The following GALNT13 variants were observed in gnomAD, a reference collection of about 807,000 sequenced individuals.
GALNT13 encodes UDP-GalNAc:polypeptide N-acetylgalactosaminyltransferase 13.
Under a neutral mutation model 64.2 loss-of-function variants are expected in GALNT13, and 28 were observed. That is an observed-to-expected ratio of 0.44 (90% CI 0.32 to 0.60). The LOEUF is 0.60. GALNT13 is among the 20% of genes least tolerant of loss of function. GALNT13 has a pLI of 0.05. For missense variants in GALNT13, 577 were observed against 669.8 expected, an observed-to-expected ratio of 0.86 and a Z score of 1.53; for synonymous variants, 214 against 224.6, an observed-to-expected ratio of 0.95 and a Z score of 0.42.
chr2:153,102,875 A>C, the GALNT13 span, among the ~76,000 whole-genome samples: 1 of 152,164 alleles, frequency 6.6e-6, no homozygotes, highest in African/African-American at 2.4e-5. Flanking sequence ...TACCAGAGGG[A>C]TAATTGAAGT....
At chr2:154,438,822 C>T (rs1701130213) in intron 12 of GALNT13, 96 bp downstream of exon 12, 1 of 976,222 alleles carries the variant, frequency 1.0e-6, no homozygotes, top group African/African-American at 1.6e-5. Flanking sequence ...TTTTTATCTA[C>T]ATTGGCAGAA....
chr2:153,537,623 C>T, the GALNT13 span, among the ~76,000 whole-genome samples: 1 of 152,164 alleles, frequency 6.6e-6, no homozygotes, highest in African/African-American at 2.4e-5. Context: ...TTGTAGTTCT[C>T]ATAATCCCTA....
chr2:153,183,913 C>T, the GALNT13 span, among the ~76,000 whole-genome samples: 5 of 152,276 alleles, frequency 3.3e-5, no homozygotes, highest in East Asian at 7.7e-4. Flanking sequence ...TTGATGCCTC[C>T]AGCTTTGTTC....
At chr2:153,904,979 G>A (rs1319492002) in intron 2 of GALNT13, among the ~76,000 whole-genome samples, 5 of 151,688 alleles carry the variant, frequency 3.3e-5, no homozygotes, top group Non-Finnish European at 7.4e-5. Context: ...GGGTCTTTTA[G>A]GAGCCAACTT....
chr2:153,676,598 G>A, the GALNT13 span, among the ~76,000 whole-genome samples: 247 of 152,110 alleles, frequency 1.6e-3, no homozygotes, highest in African/African-American at 5.7e-3. Flanking sequence ...TAAACATAGA[G>A]GCAAAAATCC....
chr2:153,764,567 T>A, the GALNT13 span, among the ~76,000 whole-genome samples: 16 of 151,648 alleles, frequency 1.1e-4, no homozygotes, highest in Middle Eastern at 0.014. Context: ...AAGATGAAAG[T>A]TGGAAAAATT....
chr2:153,659,088 C>T, the GALNT13 span, among the ~76,000 whole-genome samples: 1 of 152,200 alleles, frequency 6.6e-6, no homozygotes, highest in South Asian at 2.1e-4. Flanking sequence ...TTTTATTCCA[C>T]ACATGTATTT....
intron 2 of GALNT13, among the ~76,000 whole-genome samples, chr2:153,902,923 C>T (rs964175256): frequency 3.9e-5 from 6 of 151,944 alleles, no homozygotes; most frequent in African/African-American, 1.5e-4. Context: ...TACCAGTGTA[C>T]CATCATTTAT....
chr2:154,063,373 C>A (rs1476538064), intron 3 of GALNT13, among the ~76,000 whole-genome samples: 2 of 152,042 alleles, frequency 1.3e-5, no homozygotes, highest in Non-Finnish European at 1.5e-5. Context: ...CTCTACTGTC[C>A]TCATGTTTTT....
chr2:153,757,884 A>T, the GALNT13 span, among the ~76,000 whole-genome samples: 5 of 152,158 alleles, frequency 3.3e-5, no homozygotes, highest in African/African-American at 1.2e-4. Flanking sequence ...TTGAATATTA[A>T]CTCCTTATTA....
the GALNT13 span, among the ~76,000 whole-genome samples, chr2:153,722,669 C>T: frequency 5.9e-5 from 9 of 152,198 alleles, no homozygotes; most frequent in Admixed American, 1.3e-4. Context: ...GAGAATACTA[C>T]AAACACCTCT....
At chr2:154,327,651 A>T (rs923217542) in intron 9 of GALNT13, among the ~76,000 whole-genome samples, 1 of 152,102 alleles carries the variant, frequency 6.6e-6, no homozygotes, top group African/African-American at 2.4e-5. Context: ...AACTTACATA[A>T]GTGACCTTAA....
At chr2:153,222,345 T>TGGGGGG in the GALNT13 span, among the ~76,000 whole-genome samples, 8 of 23,200 alleles carry the variant, frequency 3.4e-4, no homozygotes, top group Non-Finnish European at 5.2e-4. Flanking sequence ...GGGGGGGGGT[T>TGGGGGG]GGGCTTATAG....
the GALNT13 span, among the ~76,000 whole-genome samples, chr2:153,662,749 G>A: frequency 1.3e-5 from 2 of 151,952 alleles, no homozygotes; most frequent in East Asian, 3.9e-4. Context: ...GTGAGCTGTG[G>A]GTTTACTATT....
At chr2:154,424,668 C>T (rs114274811) in intron 11 of GALNT13, among the ~76,000 whole-genome samples, 4,139 of 152,266 alleles carry the variant, frequency 0.027, 97 homozygotes, top group Non-Finnish European at 0.043. Context: ...GGACTGACTC[C>T]GACGTGCTTA....
chr2:153,339,858 A>G, the GALNT13 span, among the ~76,000 whole-genome samples: 199 of 152,304 alleles, frequency 1.3e-3, no homozygotes, highest in African/African-American at 4.4e-3. Flanking sequence ...TGAAGAGACT[A>G]TTCTTTCCCC....
intron 9 of GALNT13, among the ~76,000 whole-genome samples, chr2:154,362,087 A>G (rs1697101898): frequency 6.8e-6 from 1 of 147,060 alleles, no homozygotes; most frequent in Admixed American, 7.0e-5. Flanking sequence ...ACAAAGAGTA[A>G]AGAAGGCAAT....
the GALNT13 span, among the ~76,000 whole-genome samples, chr2:153,635,685 G>T: frequency 2.6e-5 from 4 of 151,928 alleles, no homozygotes. Context: ...AGGTCAGGTG[G>T]CTCTGTGTCC....
intron 9 of GALNT13, among the ~76,000 whole-genome samples, chr2:154,341,019 TAA>T (rs990741444): frequency 4.6e-5 from 7 of 152,078 alleles, no homozygotes; most frequent in African/African-American, 1.7e-4. Flanking sequence ...ATTTTATTCA[TAA>T]AGATAAAATT....
Sources: allele counts gnomAD v4.1 joint callset (sites outside exome capture counted in the v4.1 genomes callset), GRCh38; gene constraint gnomAD v4.1.1; transcripts MANE v1.5; gene names NCBI Gene and HGNC (gene_info 2026-07-23, HGNC 2026-07-21).